The following PPP1R3A variants were observed in gnomAD, a reference collection of about 807,000 sequenced individuals.
PPP1R3A encodes RG1.
PPP1R3A carries 29 observed loss-of-function variants against 41.7 expected under a neutral mutation model. That is an observed-to-expected ratio of 0.70 (90% CI 0.52 to 0.95). The LOEUF (loss-of-function observed/expected upper bound fraction) is 0.95. Ranked by LOEUF, PPP1R3A falls within the 40% of genes least tolerant of loss-of-function variation. The pLI is 0.00. For missense variants in PPP1R3A, 1,352 were observed against 1,292.4 expected (o/e 1.05, Z -0.71); for synonymous variants, 485 against 453.4 (o/e 1.07, Z -0.89).
In PPP1R3A at chr7:113,878,204, A is replaced by G; in HGVS notation, c.2888T>C (p.Ile963Thr). Residue 963 changes from isoleucine (I) to threonine (T), a missense_variant, in exon 4 of 4, where the codon ATT becomes ACT. Physicochemically the swap from Ile to Thr is moderately conservative, Grantham distance 89. Transcript: ENST00000284601. ...ICNSTREIQG[I>T]EKHPYPESKP... ...AGACTCAGGATAAGGGTGCTTCTCAATACCCTGGATTTCTCTTGTTGAATT... is the reference window on the plus strand; with the variant it reads ...AGACTCAGGATAAGGGTGCTTCTCAGTACCCTGGATTTCTCTTGTTGAATT... 3.7e-6 allele frequency: 6 copies of G among 1,613,288 alleles called. No homozygotes were observed. Among genetic ancestry groups the G allele is most frequent in the Non-Finnish European group, 4.2e-6 (5 of 1,179,618 alleles).
At position 113,877,932 on chromosome 7, in the gene PPP1R3A, G is replaced by A. The variant is rs372014009; in HGVS notation, c.3160C>T (p.Leu1054Phe). Reference sequence around the variant, plus strand: ...TGAGCTTGACTTTCCTCAACAGGAAGACTAGTAGAAGCAGAGCTGTCAGAT... The same window carrying A: ...TGAGCTTGACTTTCCTCAACAGGAAAACTAGTAGAAGCAGAGCTGTCAGAT... ...KESDSSASTSLPVEESQAQGN... is the reference protein window; with the variant it reads ...KESDSSASTSFPVEESQAQGN... The change falls in exon 4 of 4, where the codon CTT becomes TTT. Residue 1054 changes from leucine to phenylalanine, a missense_variant. Coordinates refer to ENST00000284601, the MANE Select transcript of PPP1R3A (RefSeq NM_002711.4). 1 of 1,613,390 alleles carries A rather than the reference G, an allele frequency of 6.2e-7. No homozygotes were observed. Among genetic ancestry groups the A allele is most frequent in the South Asian group, 1.1e-5 (1 of 91,072 alleles).
At chr7:113,895,757 C>T (rs986587142) in intron 1 of PPP1R3A, among the ~76,000 whole-genome samples, 1 of 151,792 alleles carries the variant, frequency 6.6e-6, no homozygotes, top group African/African-American at 2.4e-5. Flanking sequence ...CATTAAAATC[C>T]AAACAAGAAC....
chr7:113,879,685 T>C lies in PPP1R3A; in HGVS notation c.1407A>G (p.Lys469=), dbSNP rs1796651000. The C allele has an allele frequency of 1.2e-6, 2 of 1,612,918 alleles. No homozygotes were observed. The highest frequency in any genetic ancestry group is 1.7e-6 in the Non-Finnish European group (2 of 1,179,526). Residue 469 remains lysine (K), a synonymous_variant, in exon 4 of 4, where the codon AAA becomes AAG. Transcript: ENST00000284601. ...CAATATTTTTAGCTCCTCCTTCATG[T>C]TTTTTATTAAGGTTTCCTGCCATTA... is the stretch of plus-strand genomic sequence containing the variant. The part of the protein sequence containing the change: ...DQLMAGNLNK[K]HEGGAKNIEV...
In PPP1R3A at chr7:113,878,211, G is replaced by T. The variant is rs764609245; in HGVS notation, c.2881C>A (p.Gln961Lys). Residue 961 changes from glutamine to lysine, a missense_variant, in exon 4 of 4, where the codon CAG becomes AAG. By Grantham distance (53) the Gln-to-Lys change is moderately conservative. Transcript: ENST00000284601. ...GGATAAGGGTGCTTCTCAATACCCT[G>T]GATTTCTCTTGTTGAATTACAAATA... is the stretch of plus-strand genomic sequence containing the variant. ...ENICNSTREI[Q>K]GIEKHPYPES... The T allele has an allele frequency of 6.2e-7, 1 of 1,613,208 alleles. No homozygotes were observed. Among genetic ancestry groups the T allele is most frequent in the Admixed American group, 1.7e-5 (1 of 59,854 alleles).
intron 1 of PPP1R3A, among the ~76,000 whole-genome samples, chr7:113,901,452 C>G (rs1032346309): frequency 1.3e-5 from 2 of 151,644 alleles, no homozygotes; most frequent in Non-Finnish European, 2.9e-5. Flanking sequence ...AACATGGTGA[C>G]AGTGTGTATA....
chr7:113,899,613 A>C (rs768604897), intron 1 of PPP1R3A, among the ~76,000 whole-genome samples: 1 of 151,818 alleles, frequency 6.6e-6, no homozygotes. Flanking sequence ...TTAAATTATA[A>C]CTCAAAACAC....
chr7:113,916,067 G>A (rs1797337344), intron 1 of PPP1R3A, among the ~76,000 whole-genome samples: 1 of 152,050 alleles, frequency 6.6e-6, no homozygotes, highest in Non-Finnish European at 1.5e-5. Flanking sequence ...TAAATCAGAT[G>A]TAAAAATTCA....
chr7:113,896,207 A>C (rs1231255478), intron 1 of PPP1R3A, among the ~76,000 whole-genome samples: 3 of 151,678 alleles, frequency 2.0e-5, no homozygotes, highest in Non-Finnish European at 4.4e-5. Context: ...TGTGTTACAC[A>C]TTTTCTTTGT....
chr7:113,883,510 T>C (rs73204232), intron 1 of PPP1R3A, among the ~76,000 whole-genome samples: 1 of 152,090 alleles, frequency 6.6e-6, no homozygotes, highest in Non-Finnish European at 1.5e-5. Context: ...GTATTTTTAG[T>C]GGGCCCACAT....
At chr7:113,883,034 A>G (rs535010244) in intron 1 of PPP1R3A, among the ~76,000 whole-genome samples, 30 of 152,018 alleles carry the variant, frequency 2.0e-4, no homozygotes, top group Non-Finnish European at 4.0e-4. Context: ...CATACCCTGC[A>G]TACTGATTGT....
rs1170255748 is a variant in PPP1R3A, at chr7:113,878,720, T to C, written c.2372A>G (p.Asp791Gly). Residue 791 changes from aspartate (D) to glycine (G), a missense_variant, in exon 4 of 4, where the codon GAT becomes GGT. Transcript: ENST00000284601. Reference sequence around the variant, plus strand: ...ATTGTCATAGATTACACCTACTGTATCTCGTTGACAAAGGGTATAATGTGA... The same window carrying C: ...ATTGTCATAGATTACACCTACTGTACCTCGTTGACAAAGGGTATAATGTGA... ...DDSHYTLCQR[D>G]TVGVIYDNDF... is the part of the protein sequence containing the mutation. 3.1e-6 allele frequency: 5 copies of C among 1,613,366 alleles called. No homozygotes were observed. The highest frequency in any genetic ancestry group is 1.7e-4 in the Middle Eastern group (1 of 6,054).
rs147363788 is a variant in PPP1R3A, at chr7:113,912,189, T to G, written c.782+6026A>C. 1.7e-3 allele frequency among the ~76,000 whole-genome samples: 260 copies of G among 152,218 alleles called. 9 individuals carry two copies. Among genetic ancestry groups the G allele is most frequent in the Admixed American group, 0.016 (241 of 15,280 alleles). On this transcript the variant is annotated intron_variant, in intron 1 of 3. Transcript: ENST00000284601. Reference sequence around the variant, plus strand: ...TCAGACCCCATGAGTCTCATACTACTATGGAACCCTATCACAACGTACTTA... The same window carrying G: ...TCAGACCCCATGAGTCTCATACTACGATGGAACCCTATCACAACGTACTTA...
At chr7:113,883,219 C>T (rs1796723896) in intron 1 of PPP1R3A, among the ~76,000 whole-genome samples, 1 of 151,982 alleles carries the variant, frequency 6.6e-6, no homozygotes, top group Admixed American at 6.6e-5. Context: ...GCAGTATACA[C>T]ATTTTCTTAT....
chr7:113,916,404 A>C (rs1227432294), intron 1 of PPP1R3A, among the ~76,000 whole-genome samples: 1 of 152,108 alleles, frequency 6.6e-6, no homozygotes, highest in African/African-American at 2.4e-5. Context: ...AACTAGGAGA[A>C]GTTCCAAAAA....
chr7:113,888,319 T>G (rs1215474906), intron 1 of PPP1R3A, among the ~76,000 whole-genome samples: 1 of 152,076 alleles, frequency 6.6e-6, no homozygotes, highest in Admixed American at 6.6e-5. Flanking sequence ...TGAGCCACAG[T>G]GGAGCAGAAA....
chr7:113,905,544 T>C (rs1797131634), intron 1 of PPP1R3A, among the ~76,000 whole-genome samples: 2 of 151,886 alleles, frequency 1.3e-5, no homozygotes, highest in South Asian at 2.1e-4. Context: ...TCTAAAATTT[T>C]ATCAAAAACC....
chr7:113,898,559 C>A (rs919497597), intron 1 of PPP1R3A, among the ~76,000 whole-genome samples: 3 of 151,776 alleles, frequency 2.0e-5, no homozygotes, highest in Non-Finnish European at 4.4e-5. Flanking sequence ...TTCTCTTTGA[C>A]CAAACTCTAG....
In PPP1R3A at chr7:113,878,862, T is replaced by C. The variant is rs778246205; in HGVS notation, c.2230A>G (p.Met744Val). The C allele has an allele frequency of 1.5e-5, 25 of 1,613,142 alleles. No homozygotes were observed. Among genetic ancestry groups the C allele is most frequent in the Non-Finnish European group, 2.1e-5 (25 of 1,179,774 alleles). The change falls in exon 4 of 4, where the codon ATG becomes GTG. Residue 744 changes from methionine to valine, a missense_variant. Transcript: ENST00000284601. ...ATTATTGCTTTTTCTCTAGCAGACA[T>C]GCTTTCTGGAGTACTTTCTGATGTT... is the stretch of plus-strand genomic sequence containing the variant. ...KTTSESTPES[M>V]SAREKAIIAK...
At chr7:113,911,334 T>C (rs927126134) in intron 1 of PPP1R3A, among the ~76,000 whole-genome samples, 6 of 152,114 alleles carry the variant, frequency 3.9e-5, no homozygotes, top group Admixed American at 6.6e-5. Context: ...CAGAAAAGAT[T>C]TGAGAGATAA....
Sources: allele counts gnomAD v4.1 joint callset (sites outside exome capture counted in the v4.1 genomes callset), GRCh38; gene constraint gnomAD v4.1.1; transcripts MANE v1.5; gene names NCBI Gene and HGNC (gene_info 2026-07-23, HGNC 2026-07-21).